NBAS: variants seen among roughly 807,000 people sequenced by gnomAD.
NBAS encodes the protein NBAS subunit of NRZ tethering complex, also known as NAG/BC035112 fusion.
A neutral mutation model predicts 302.5 loss-of-function variants in NBAS; 219 were observed. The observed-to-expected ratio is 0.72, with a 90% CI of 0.65 to 0.81. NBAS has a LOEUF of 0.81. Ranked by LOEUF, NBAS falls within the 30% of genes least tolerant of loss-of-function variation. The pLI is 0.00. For missense variants in NBAS, 2,932 were observed against 2,841.6 expected (o/e 1.03, Z -0.72); for synonymous variants, 1,118 against 1,021.6 (o/e 1.09, Z -1.80).
intron 32 of NBAS, among the ~76,000 whole-genome samples, chr2:15,361,305 G>A (rs754321797): frequency 1.3e-5 from 2 of 152,144 alleles, no homozygotes; most frequent in African/African-American, 2.4e-5. Flanking sequence ...TTGAGGTGAG[G>A]AATTCAAGAC....
At chr2:15,142,643 C>T in the NBAS span, among the ~76,000 whole-genome samples, 2 of 152,210 alleles carry the variant, frequency 1.3e-5, no homozygotes, top group Non-Finnish European at 2.9e-5. Flanking sequence ...TTTATCCCTG[C>T]CACATCCTGT....
rs375854696 is a variant in NBAS, at chr2:15,179,047, C to T, written c.6781G>A (p.Glu2261Lys). ...LLLPSLKLLL[E>K]SRDEHLHEMA... ...TCGTGCAGATGCTCATCTCGGCTCT[C>T]GAGGAGAAGTTTCAGAGATGGAAGC... The change falls in exon 51 of 52, where the codon GAG becomes AAG. Residue 2261 changes from glutamate (E) to lysine (K), a missense_variant. Physicochemically the swap from Glu to Lys is moderately conservative, Grantham distance 56. Coordinates refer to ENST00000281513, the MANE Select transcript of NBAS (RefSeq NM_015909.4). 32 of 1,613,894 alleles carry T rather than the reference C, an allele frequency of 2.0e-5. No homozygotes were observed. The highest frequency in any genetic ancestry group is 7.7e-5 in the South Asian group (7 of 91,074).
intron 21 of NBAS, among the ~76,000 whole-genome samples, chr2:15,440,684 G>A (rs1228647769): frequency 6.6e-6 from 1 of 152,214 alleles, no homozygotes; most frequent in African/African-American, 2.4e-5. Context: ...GTTGAGAGAA[G>A]GCTTCAGATG....
At position 15,308,391 on chromosome 2, in the gene NBAS, G is replaced by A. The variant is rs1471711421; in HGVS notation, c.4660-38C>T. The A allele has an allele frequency of 3.7e-6, 6 of 1,607,060 alleles. No homozygotes were observed. The South Asian group carries it at 6.7e-5, about 18-fold the overall frequency. Reference sequence around the variant, plus strand: ...ATGTTAGAATTAACTCAGCTGAAAGGAAATTATGAAGATCATTATAAACCA... The same window carrying A: ...ATGTTAGAATTAACTCAGCTGAAAGAAAATTATGAAGATCATTATAAACCA... On this transcript the variant is annotated intron_variant, in intron 39 of 51. Coordinates refer to ENST00000281513, the MANE Select transcript of NBAS (RefSeq NM_015909.4).
the NBAS span, among the ~76,000 whole-genome samples, chr2:15,102,122 G>A: frequency 1.3e-5 from 2 of 152,354 alleles, no homozygotes; most frequent in South Asian, 2.1e-4. Flanking sequence ...AGCTAGGGCA[G>A]TTCTGAGGGA....
At chr2:15,334,312 C>G (rs1268116249) in intron 35 of NBAS, among the ~76,000 whole-genome samples, 1 of 152,058 alleles carries the variant, frequency 6.6e-6, no homozygotes, top group African/African-American at 2.4e-5. Flanking sequence ...GCCTCAGCCT[C>G]CCAAGTAGCT....
At chr2:15,135,495 A>C in the NBAS span, among the ~76,000 whole-genome samples, 1 of 152,144 alleles carries the variant, frequency 6.6e-6, no homozygotes, top group Non-Finnish European at 1.5e-5. Context: ...GCAGTAGCCA[A>C]AACAGAGGCC....
intron 40 of NBAS, among the ~76,000 whole-genome samples, 195 bp from the exon 41 acceptor site, chr2:15,292,961 C>A (rs1484446813): frequency 6.6e-6 from 1 of 152,130 alleles, no homozygotes; most frequent in Non-Finnish European, 1.5e-5. Flanking sequence ...ACCACAAAGA[C>A]AGGACACAGA....
intron 21 of NBAS, among the ~76,000 whole-genome samples, chr2:15,456,543 A>C (rs982447347): frequency 6.6e-6 from 1 of 152,210 alleles, no homozygotes; most frequent in Non-Finnish European, 1.5e-5. Context: ...CGTGAACAAG[A>C]GGCAAAGTCC....
intron 6 of NBAS, among the ~76,000 whole-genome samples, chr2:15,549,801 T>C (rs1664292186): frequency 6.6e-6 from 1 of 151,918 alleles, no homozygotes; most frequent in Non-Finnish European, 1.5e-5. Context: ...AAAATTAAGT[T>C]AAAGGTGATT....
At chr2:15,203,896 G>A (rs1666011867) in intron 48 of NBAS, among the ~76,000 whole-genome samples, 1 of 147,470 alleles carries the variant, frequency 6.8e-6, no homozygotes, top group Admixed American at 6.7e-5. Flanking sequence ...GTGCTTGTGT[G>A]TGTGTGTGTG....
At chr2:14,915,543 TG>T in the NBAS span, among the ~76,000 whole-genome samples, 1 of 152,156 alleles carries the variant, frequency 6.6e-6, no homozygotes, top group Non-Finnish European at 1.5e-5. Flanking sequence ...TGACAGTGAA[TG>T]GGTCTCACAA....
intron 41 of NBAS, among the ~76,000 whole-genome samples, chr2:15,288,062 A>G (rs1670136597): frequency 1.3e-5 from 2 of 152,258 alleles, no homozygotes; most frequent in African/African-American, 4.8e-5. Flanking sequence ...CTGTCCAGTC[A>G]GAACGTCAAC....
the NBAS span, among the ~76,000 whole-genome samples, chr2:15,150,764 A>G: frequency 1.3e-5 from 2 of 152,204 alleles, no homozygotes; most frequent in Admixed American, 1.3e-4. Flanking sequence ...TGTTTAACCT[A>G]AATCCTTACA....
rs547948735 is a variant in NBAS, at chr2:15,374,857, A to C, written c.3591-137T>G. The C allele has an allele frequency of 2.3e-5, 17 of 745,434 alleles. No homozygotes were observed. The East Asian group carries it at 4.6e-4, about 20-fold the overall frequency. 46.2% of individuals were successfully genotyped at this position (745,434 alleles called of 1,614,324 possible). ...TTCATTCCGCTGGATGCCTTCTGTT[A>C]TCTTAATCCTCATAGCAAGCCTCTG... On this transcript the variant is annotated intron_variant, in intron 30 of 51. Coordinates refer to ENST00000281513, the MANE Select transcript of NBAS (RefSeq NM_015909.4).
chr2:15,327,987 C>T, intron 37 of NBAS, 117 bp from the exon 38 acceptor site: 2 of 1,384,534 alleles, frequency 1.4e-6, no homozygotes, highest in Non-Finnish European at 1.0e-6. Flanking sequence ...TAACTGCTCA[C>T]AAACTAAAGC....
At chr2:15,372,528 C>T (rs969880411) in intron 31 of NBAS, among the ~76,000 whole-genome samples, 1 of 152,074 alleles carries the variant, frequency 6.6e-6, no homozygotes, top group Non-Finnish European at 1.5e-5. Flanking sequence ...TTTCTTTCTC[C>T]AATATTACTG....
rs7572131 is a variant in NBAS at position 15,551,762 on chromosome 2, G to A, written c.336-226C>T. Among the ~76,000 whole-genome samples, 93,094 of 152,026 alleles carry A rather than the reference G, an allele frequency of 0.61. 29,423 individuals carry two copies. Among genetic ancestry groups the A allele is most frequent in the Non-Finnish European group, 0.68 (45,971 of 67,976 alleles). ...ACATCGTTATGGAGACATATATATG[G>A]AATATAGTGACACAGCCTAAGTGAA... On this transcript the variant is annotated intron_variant, in intron 5 of 51. Transcript: ENST00000281513.
At chr2:14,956,060 A>G in the NBAS span, among the ~76,000 whole-genome samples, 1 of 152,192 alleles carries the variant, frequency 6.6e-6, no homozygotes, top group Non-Finnish European at 1.5e-5. Flanking sequence ...GCTGCTTAGA[A>G]ATTTCTTTCA....
Sources: allele counts gnomAD v4.1 joint callset (sites outside exome capture counted in the v4.1 genomes callset), GRCh38; gene constraint gnomAD v4.1.1; transcripts MANE v1.5; gene names NCBI Gene and HGNC (gene_info 2026-07-23, HGNC 2026-07-21).